Variants in FBXO48 observed in about 807,000 individuals in gnomAD.
The protein encoded by FBXO48 is F-box protein 48.
In FBXO48, 12 loss-of-function variants were observed where a neutral mutation model predicts 14.3. That is an observed-to-expected ratio of 0.84 (90% CI 0.54 to 1.36). The LOEUF (loss-of-function observed/expected upper bound fraction) is 1.36. FBXO48 is among the 40% of genes most tolerant of loss of function. The pLI, the probability that FBXO48 is intolerant of heterozygous loss-of-function variation, is 0.00. For missense variants in FBXO48, 177 were observed against 179.1 expected, an observed-to-expected ratio of 0.99 and a Z score of 0.07; for synonymous variants, 53 against 61.7, an observed-to-expected ratio of 0.86 and a Z score of 0.66.
rs1675363573 is a variant in FBXO48 at position 68,464,952 on chromosome 2, C to T, written c.194G>A (p.Trp65Ter). ...LCRASLTCRS[W>*]NDTIRNSDSL... ...GTCACTGTTTCTTATTGTGTCATTC[C>T]AGCTCCTGCATGTCAATGAAGCCCT... Residue 65 changes from tryptophan to a stop codon, truncating the protein, a stop_gained, in exon 3 of 4, where the codon TGG (tryptophan) becomes TAG (stop). Coordinates refer to ENST00000377957, the MANE Select transcript of FBXO48 (RefSeq NM_001024680.3). LOFTEE classifies it high-confidence loss of function. 1 of 1,613,958 alleles carries T rather than the reference C, an allele frequency of 6.2e-7. No homozygotes were observed. The highest frequency in any genetic ancestry group is 1.1e-5 in the South Asian group (1 of 91,072).
Position 68,464,067 on chromosome 2 carries a change from T to C in FBXO48, c.*142A>G, listed in dbSNP as rs945195061. On this transcript the variant is annotated 3_prime_UTR_variant, in exon 4 of 4. Transcript: ENST00000377957. ...CTAAAGTGCAAAACAAAAATAAAGC[T>C]TTACTTTTATAATAGTTCCATTTCA... 1.4e-5 allele frequency: 11 copies of C among 771,832 alleles called. No individual in the cohort carries two copies. In the Admixed American group the frequency reaches 3.0e-4, roughly 21 times the overall value. 47.8% of individuals were successfully genotyped at this position (771,832 alleles called of 1,614,324 possible). A position where few individuals can be genotyped will look rare whatever the true frequency, so the allele number is the denominator to read the frequency against.
chr2:68,464,382 A>G lies in FBXO48; in HGVS notation c.307-12T>C. On this transcript the variant is annotated splice_polypyrimidine_tract_variant and intron_variant, in intron 3 of 3. Coordinates refer to ENST00000377957, the MANE Select transcript of FBXO48 (RefSeq NM_001024680.3). ...CTCAGCAGTATCACCTGAAAGAGGT[A>G]AATCACCGTTAAAAAAGACTGTAGT... 1.2e-6 allele frequency: 2 copies of G among 1,612,656 alleles called. No homozygotes were observed. The highest frequency in any genetic ancestry group is 1.7e-6 in the Non-Finnish European group (2 of 1,179,288).
chr2:68,464,806 C>G, intron 3 of FBXO48, 34 bp downstream of exon 3: 1 of 1,531,482 alleles, frequency 6.5e-7, no homozygotes, highest in Non-Finnish European at 9.0e-7. Flanking sequence ...ATAACGCTGT[C>G]AACAACACTG....
chr2:68,465,627 A>G (rs1002064917), intron 2 of FBXO48, among the ~76,000 whole-genome samples: 4 of 151,946 alleles, frequency 2.6e-5, no homozygotes, highest in African/African-American at 9.7e-5. Context: ...CTTGTCCTCA[A>G]GCAATCCTTC....
In FBXO48 at chr2:68,461,675, G is replaced by A. The variant is rs1398939717; in HGVS notation, c.*2534C>T. 1 of 151,916 alleles carries A rather than the reference G, an allele frequency of 6.6e-6. No individual in the cohort carries two copies. The highest frequency in any genetic ancestry group is 1.5e-5 in the Non-Finnish European group (1 of 67,992). The allele number at this position is 151,916 out of a possible 1,614,324, so 9.4% of individuals were successfully genotyped here. A position where few individuals can be genotyped will look rare whatever the true frequency, so the allele number is the denominator to read the frequency against. ...GCTTCTTTCTTCCAACTTATGAAAA[G>A]GGGGGATTGGGTCATGTTTCCATCC... On this transcript the variant is annotated 3_prime_UTR_variant, in exon 4 of 4. Transcript: ENST00000377957.
Position 68,461,445 on chromosome 2 carries a change from C to T in FBXO48, c.*2764G>A, listed in dbSNP as rs1426309008. 10 of 149,746 alleles carry T rather than the reference C, an allele frequency of 6.7e-5. No homozygotes were observed. The highest frequency in any genetic ancestry group is 3.4e-3 in the Middle Eastern group (1 of 290). The allele number at this position is 149,746 out of a possible 1,614,324, so 9.3% of individuals were successfully genotyped here. A position where few individuals can be genotyped will look rare whatever the true frequency, so the allele number is the denominator to read the frequency against. The stretch of plus-strand genomic sequence containing the variant: ...CCGAGTAGCTGGGACTACAGGCGCC[C>T]GCCACCGCGCCCGGCTAATTTTTTG... On this transcript the variant is annotated 3_prime_UTR_variant, in exon 4 of 4. Transcript: ENST00000377957.
Position 68,463,480 on chromosome 2 carries a change from ATGG to A in FBXO48, c.*726_*728del, listed in dbSNP as rs1318870399. 2.6e-5 allele frequency: 4 copies of A among 151,952 alleles called. No homozygotes were observed. The highest frequency in any genetic ancestry group is 6.6e-5 in the Admixed American group (1 of 15,252). 9.4% of individuals were successfully genotyped at this position (151,952 alleles called of 1,614,324 possible). A position where few individuals can be genotyped will look rare whatever the true frequency, so the allele number is the denominator to read the frequency against. On this transcript the variant is annotated 3_prime_UTR_variant, in exon 4 of 4. Transcript: ENST00000377957. ...TTGCTATCTAAGAATAGCACACTAG[ATGG>A]TGCTATAAGGCTGTCAGAAAGAGAG...
rs1675229149 is a variant in FBXO48, at chr2:68,460,210, T to TA, written c.*3998dup. 1.3e-5 allele frequency: 2 copies of TA among 152,134 alleles called. No homozygotes were observed. The highest frequency in any genetic ancestry group is 1.3e-4 in the Admixed American group (2 of 15,262). The allele number at this position is 152,134 out of a possible 1,614,324, so 9.4% of individuals were successfully genotyped here. A position where few individuals can be genotyped will look rare whatever the true frequency, so the allele number is the denominator to read the frequency against. ...TGGGGTTTAACAAAGACTACACTGC[T>TA]AACAGTAAAAGGAAGGAACTGGAGG... On this transcript the variant is annotated 3_prime_UTR_variant, in exon 4 of 4. Transcript: ENST00000377957.
intron 3 of FBXO48, 57 bp from the exon 4 acceptor site, chr2:68,464,427 G>T: frequency 6.6e-7 from 1 of 1,520,478 alleles, no homozygotes; most frequent in Non-Finnish European, 9.1e-7. Flanking sequence ...GTTAGTGAAT[G>T]TGTTTAAAGC....
chr2:68,464,609 A>G (rs1675350882), intron 3 of FBXO48, among the ~76,000 whole-genome samples: 1 of 152,214 alleles, frequency 6.6e-6, no homozygotes, highest in South Asian at 2.1e-4. Context: ...ACGCAGGAAA[A>G]TTCCCGAATT....
intron 2 of FBXO48, among the ~76,000 whole-genome samples, 177 bp from the exon 3 acceptor site, chr2:68,465,355 T>A (rs1013734388): frequency 2.6e-5 from 4 of 151,798 alleles, no homozygotes; most frequent in African/African-American, 9.7e-5. Context: ...ACAGTGATAG[T>A]GGGTAAAATA....
Position 68,464,941 on chromosome 2 carries a change from TTG to T in FBXO48, c.203_204del (p.Thr68AsnfsTer5). 6.2e-7 allele frequency: 1 copy of T among 1,614,040 alleles called. No individual in the cohort carries two copies. Among genetic ancestry groups the T allele is most frequent in the Non-Finnish European group, 8.5e-7 (1 of 1,179,998 alleles). On this transcript the variant is annotated frameshift_variant, in exon 3 of 4. Coordinates refer to ENST00000377957, the MANE Select transcript of FBXO48 (RefSeq NM_001024680.3). LOFTEE classifies it high-confidence loss of function. ...TTCCATAAAGAGTCACTGTTTCTTA[TTG>T]TGTCATTCCAGCTCCTGCATGTCAA... Reference protein sequence around the residue: ...ASLTCRSWNDTIRNSDSLWKP... With the variant: ...ASLTCRSWNDXIRNSDSLWKP...
rs773448216 is a variant in FBXO48 at position 68,464,905 on chromosome 2, T to G, written c.241A>C (p.Met81Leu). The G allele has an allele frequency of 3.7e-6, 6 of 1,613,798 alleles. No homozygotes were observed. The East Asian group carries it at 1.3e-4, about 36-fold the overall frequency. The change falls in exon 3 of 4, where the codon ATG (methionine) becomes CTG (leucine). Residue 81 changes from methionine (M) to leucine (L), a missense_variant. Transcript: ENST00000377957. Reference protein sequence around the residue: ...NSDSLWKPHCMTVRAVCRREI... With the variant: ...NSDSLWKPHCLTVRAVCRREI... ...CTTCGGCACACAGCTCTTACAGTCA[T>G]GCAGTGAGGTTTCCATAAAGAGTCA...
At position 68,464,109 on chromosome 2, in the gene FBXO48, T is replaced by C. The variant is rs956750263; in HGVS notation, c.*100A>G. 5 of 1,054,762 alleles carry C rather than the reference T, an allele frequency of 4.7e-6. No homozygotes were observed. In the African/African-American group the frequency reaches 6.3e-5, roughly 13 times the overall value. 65.3% of individuals were successfully genotyped at this position (1,054,762 alleles called of 1,614,324 possible). A position where few individuals can be genotyped will look rare whatever the true frequency, so the allele number is the denominator to read the frequency against. On this transcript the variant is annotated 3_prime_UTR_variant, in exon 4 of 4. Transcript: ENST00000377957. The stretch of plus-strand genomic sequence containing the variant: ...TCCATTTCATTTTCTTTTAAAAAGG[T>C]GAACAACAAAATGAACGAATAAAGA...
At position 68,463,290 on chromosome 2, in the gene FBXO48, T is replaced by C; in HGVS notation, c.*919A>G. 1 of 152,234 alleles carries C rather than the reference T, an allele frequency of 6.6e-6. No individual in the cohort carries two copies. Among genetic ancestry groups the C allele is most frequent in the East Asian group, 1.9e-4 (1 of 5,188 alleles). The allele number at this position is 152,234 out of a possible 1,614,324, so 9.4% of individuals were successfully genotyped here. A position where few individuals can be genotyped will look rare whatever the true frequency, so the allele number is the denominator to read the frequency against. On this transcript the variant is annotated 3_prime_UTR_variant, in exon 4 of 4. Coordinates refer to ENST00000377957, the MANE Select transcript of FBXO48 (RefSeq NM_001024680.3). ...AAACAATTTGTTATAGTGAGTAGCA[T>C]ATAATCTGTTTTTATGAAAAAAGAG...
In FBXO48 at chr2:68,461,290, T is replaced by A. The variant is rs1675256647; in HGVS notation, c.*2919A>T. 7.2e-6 allele frequency: 1 copy of A among 139,636 alleles called. No individual in the cohort carries two copies. The highest frequency in any genetic ancestry group is 2.2e-4 in the South Asian group (1 of 4,476). The allele number at this position is 139,636 out of a possible 1,614,324, so 8.6% of individuals were successfully genotyped here. On this transcript the variant is annotated 3_prime_UTR_variant, in exon 4 of 4. Transcript: ENST00000377957. ...ACTTAAGATCCGTTTTCGTTTTCTT[T>A]TTTTTTTTTTTTTTTTTGAGACGGA...
At position 68,463,591 on chromosome 2, in the gene FBXO48, GGTTTATATAAA is replaced by G. The variant is rs1675320828; in HGVS notation, c.*607_*617del. The G allele has an allele frequency of 6.6e-6, 1 of 151,936 alleles. No individual in the cohort carries two copies. Among genetic ancestry groups the G allele is most frequent in the Non-Finnish European group, 1.5e-5 (1 of 68,030 alleles). 9.4% of individuals were successfully genotyped at this position (151,936 alleles called of 1,614,324 possible). A position where few individuals can be genotyped will look rare whatever the true frequency, so the allele number is the denominator to read the frequency against. ...CTTTCAGCTCCTGAGAGCCGTTCCAGGTTTATATAAAATTAATGGGAATCTCAATTGGACAA... is the reference window on the plus strand; with the variant it reads ...CTTTCAGCTCCTGAGAGCCGTTCCAGATTAATGGGAATCTCAATTGGACAA... On this transcript the variant is annotated 3_prime_UTR_variant, in exon 4 of 4. Coordinates refer to ENST00000377957, the MANE Select transcript of FBXO48 (RefSeq NM_001024680.3).
rs1185047809 is a variant in FBXO48 at position 68,463,599 on chromosome 2, T to A, written c.*610A>T. 3 of 152,142 alleles carry A rather than the reference T, an allele frequency of 2.0e-5. No homozygotes were observed. Among genetic ancestry groups the A allele is most frequent in the Non-Finnish European group, 1.5e-5 (1 of 68,044 alleles). 9.4% of individuals were successfully genotyped at this position (152,142 alleles called of 1,614,324 possible). On this transcript the variant is annotated 3_prime_UTR_variant, in exon 4 of 4. Transcript: ENST00000377957. ...TCCTGAGAGCCGTTCCAGGTTTATA[T>A]AAAATTAATGGGAATCTCAATTGGA...
In FBXO48 at chr2:68,463,993, A is replaced by G. The variant is rs1675330491; in HGVS notation, c.*216T>C. The G allele has an allele frequency of 4.4e-6, 2 of 456,570 alleles. No homozygotes were observed. Among genetic ancestry groups the G allele is most frequent in the Admixed American group, 7.1e-5 (2 of 28,018 alleles). 28.3% of individuals were successfully genotyped at this position (456,570 alleles called of 1,614,324 possible). A position where few individuals can be genotyped will look rare whatever the true frequency, so the allele number is the denominator to read the frequency against. ...TATCAGTATATTATTTCTTATAAAA[A>G]TAACATTTCATGATTTTTCCACATT... On this transcript the variant is annotated 3_prime_UTR_variant, in exon 4 of 4. Coordinates refer to ENST00000377957, the MANE Select transcript of FBXO48 (RefSeq NM_001024680.3).
Sources: gnomAD v4.1 joint callset for allele counts (sites outside exome capture counted in the v4.1 genomes callset) on GRCh38, gnomAD v4.1.1 for gene constraint, MANE v1.5 for transcripts, NCBI Gene and HGNC (gene_info 2026-07-23, HGNC 2026-07-21) for gene names.